The following TMCC1 variants were observed in gnomAD, a reference collection of about 807,000 sequenced individuals.
TMCC1 encodes transmembrane and coiled-coil domains protein 1.
In TMCC1, 15 loss-of-function variants were observed where a neutral mutation model predicts 52.4. The ratio of observed to expected loss-of-function variants is 0.29; its 90% CI spans 0.19 to 0.44. TMCC1 has a LOEUF of 0.44. Among genes scored for constraint, TMCC1 ranks in the 20% least tolerant of loss-of-function variants. TMCC1 has a pLI of 1.00. For missense variants in TMCC1, 503 were observed against 806.0 expected (o/e 0.62, Z 4.55); for synonymous variants, 279 against 301.9 (o/e 0.92, Z 0.79).
intron 5 of TMCC1, among the ~76,000 whole-genome samples, chr3:129,659,109 T>G (rs962387325): frequency 1.3e-5 from 2 of 150,174 alleles, no homozygotes; most frequent in African/African-American, 4.9e-5. Context: ...TTTTTTTTTT[T>G]TTTTTAAAGA....
chr3:129,866,384 T>G (rs1349893061), intron 2 of TMCC1, among the ~76,000 whole-genome samples: 2 of 137,570 alleles, frequency 1.5e-5, no homozygotes, highest in African/African-American at 5.9e-5. Context: ...ATATGTTTTT[T>G]TTTTTTTTTT....
chr3:129,697,922 A>G (rs538105106), intron 4 of TMCC1, among the ~76,000 whole-genome samples: 36 of 152,196 alleles, frequency 2.4e-4, no homozygotes, highest in Non-Finnish European at 4.7e-4. Context: ...GAAGTTCCAA[A>G]CTTTCCTGCA....
rs1027765952 is a variant in TMCC1 at position 129,729,775 on chromosome 3, C to A, written c.577-58511G>T. Among the ~76,000 whole-genome samples the A allele has an allele frequency of 2.0e-5, 3 of 151,826 alleles. No individual in the cohort carries two copies. In the South Asian group the frequency reaches 6.3e-4, roughly 32 times the overall value. ...AAATTGCTCAGAACGCTTACATTAG[C>A]CCACAGTTGGCAAAATCACCTAACG... On this transcript the variant is annotated intron_variant, in intron 4 of 6. Coordinates refer to ENST00000393238, the MANE Select transcript of TMCC1 (RefSeq NM_001017395.5).
chr3:129,761,390 C>G (rs903419877), intron 4 of TMCC1, among the ~76,000 whole-genome samples: 9 of 150,330 alleles, frequency 6.0e-5, no homozygotes, highest in African/African-American at 2.2e-4. Context: ...CTCCTCTTCC[C>G]TGCTAAGCCA....
intron 2 of TMCC1, among the ~76,000 whole-genome samples, chr3:129,833,208 A>G (rs1444463620): frequency 6.6e-6 from 1 of 152,208 alleles, no homozygotes; most frequent in Non-Finnish European, 1.5e-5. Context: ...AAAACACCAC[A>G]ATTTTATAAG....
chr3:129,677,931 TTTTA>T (rs2088599541), intron 4 of TMCC1, among the ~76,000 whole-genome samples: 3 of 152,222 alleles, frequency 2.0e-5, no homozygotes, highest in Admixed American at 2.0e-4. Context: ...TCGGTTCATT[TTTTA>T]TTTGTTTTTG....
Position 129,735,793 on chromosome 3 carries a change from A to G in TMCC1, c.577-64529T>C, listed in dbSNP as rs536590770. Among the ~76,000 whole-genome samples, 6 of 152,332 alleles carry G rather than the reference A, an allele frequency of 3.9e-5. No homozygotes were observed. In the South Asian group the frequency reaches 1.2e-3, roughly 32 times the overall value. On this transcript the variant is annotated intron_variant, in intron 4 of 6. Coordinates refer to ENST00000393238, the MANE Select transcript of TMCC1 (RefSeq NM_001017395.5). ...CATGACTCAAGACAGTAAGGAGAGG[A>G]GCAGCCTCTATGAGCTCTCTTGCTT... is the stretch of plus-strand genomic sequence containing the variant.
intron 4 of TMCC1, among the ~76,000 whole-genome samples, chr3:129,771,475 T>C (rs1450688506): frequency 4.0e-5 from 6 of 151,376 alleles, no homozygotes; most frequent in African/African-American, 1.5e-4. Context: ...ACAGACACAG[T>C]TTAGAAAGAT....
At chr3:129,701,288 T>C (rs1226372006) in intron 4 of TMCC1, among the ~76,000 whole-genome samples, 2 of 152,196 alleles carry the variant, frequency 1.3e-5, no homozygotes, top group African/African-American at 4.8e-5. Flanking sequence ...AAGAATAAAA[T>C]GTGGCAAATC....
intron 4 of TMCC1, among the ~76,000 whole-genome samples, chr3:129,698,012 C>T (rs958071263): frequency 6.6e-6 from 1 of 152,172 alleles, no homozygotes; most frequent in African/African-American, 2.4e-5. Flanking sequence ...CTGAGCCCTC[C>T]AAACTGTTCC....
At chr3:129,877,183 C>A (rs1372472727) in intron 2 of TMCC1, among the ~76,000 whole-genome samples, 1 of 152,208 alleles carries the variant, frequency 6.6e-6, no homozygotes, top group Non-Finnish European at 1.5e-5. Flanking sequence ...TCCAATCAGT[C>A]TTTAACCTCC....
chr3:129,749,254 T>C (rs1210015869), intron 4 of TMCC1, among the ~76,000 whole-genome samples: 1 of 152,112 alleles, frequency 6.6e-6, no homozygotes, highest in African/African-American at 2.4e-5. Context: ...GGAATGAGAT[T>C]CTCAGATACC....
chr3:129,714,730 T>G (rs2048941709), intron 4 of TMCC1, among the ~76,000 whole-genome samples: 1 of 152,192 alleles, frequency 6.6e-6, no homozygotes, highest in South Asian at 2.1e-4. Context: ...CCAACTTTAA[T>G]TAGGCTTCTA....
At chr3:129,811,641 T>A (rs907186143) in intron 4 of TMCC1, among the ~76,000 whole-genome samples, 3 of 152,148 alleles carry the variant, frequency 2.0e-5, no homozygotes, top group Admixed American at 6.5e-5. Context: ...TGCATTTTTT[T>A]AAAAAAGAAA....
At chr3:129,760,349 C>T (rs2053427963) in intron 4 of TMCC1, among the ~76,000 whole-genome samples, 1 of 152,118 alleles carries the variant, frequency 6.6e-6, no homozygotes, top group Non-Finnish European at 1.5e-5. Flanking sequence ...AATCCTCCCA[C>T]CTCAGCCTCC....
chr3:129,839,409 A>C (rs1293454964), intron 2 of TMCC1, among the ~76,000 whole-genome samples: 4 of 152,176 alleles, frequency 2.6e-5, no homozygotes, highest in Non-Finnish European at 5.9e-5. Flanking sequence ...AAAGAAATCT[A>C]AGTGATAAGT....
At chr3:129,774,350 T>C (rs1268560895) in intron 4 of TMCC1, among the ~76,000 whole-genome samples, 2 of 152,234 alleles carry the variant, frequency 1.3e-5, no homozygotes, top group Non-Finnish European at 2.9e-5. Flanking sequence ...ATCAATAGGC[T>C]GTATAAATTA....
intron 4 of TMCC1, among the ~76,000 whole-genome samples, chr3:129,674,696 C>CTTT (rs2088250634): frequency 6.6e-6 from 1 of 152,166 alleles, no homozygotes; most frequent in East Asian, 1.9e-4. Context: ...GAACAAAGTC[C>CTTT]TTAAAGGGGA....
intron 2 of TMCC1, among the ~76,000 whole-genome samples, chr3:129,864,819 C>A (rs1033704726): frequency 6.6e-6 from 1 of 152,088 alleles, no homozygotes; most frequent in African/African-American, 2.4e-5. Context: ...GTAGTAAAAT[C>A]CCCTTGGTAA....
Sources: gnomAD v4.1 joint callset for allele counts (sites outside exome capture counted in the v4.1 genomes callset) on GRCh38, gnomAD v4.1.1 for gene constraint, MANE v1.5 for transcripts, NCBI Gene and HGNC (gene_info 2026-07-23, HGNC 2026-07-21) for gene names.